The following COPG1 variants were observed in gnomAD, a reference collection of about 807,000 sequenced individuals.
COPG1 encodes coatomer subunit gamma-1.
In COPG1, 29 loss-of-function variants were observed where a neutral mutation model predicts 102.8. The observed-to-expected ratio is 0.28, with a 90% CI of 0.21 to 0.38. The LOEUF is 0.38. Ranked by LOEUF, COPG1 falls within the 10% of genes least tolerant of loss-of-function variation. The pLI, the probability that COPG1 is intolerant of heterozygous loss-of-function variation, is 1.00. For synonymous variants in COPG1, 406 were observed against 421.6 expected (o/e 0.96, Z 0.45); for missense variants, 875 against 1,132.7 (o/e 0.77, Z 3.27).
rs1302084201 is a variant in COPG1, at chr3:129,272,810, C to T, written c.2162C>T (p.Ala721Val). The T allele has an allele frequency of 3.1e-6, 5 of 1,610,168 alleles. No homozygotes were observed. Among genetic ancestry groups the T allele is most frequent in the Non-Finnish European group, 4.2e-6 (5 of 1,176,780 alleles). The change falls in exon 21 of 24, where the codon GCC becomes GTC. Residue 721 changes from alanine to valine, a missense_variant. By Grantham distance (64) the Ala-to-Val change is moderately conservative. Transcript: ENST00000314797. ...ACCCAGCCTCTCTTCCCCACAGTGG[C>T]CTGCACATTCAGCTGCATGATGAAG... ...ALPKEDPTAVACTFSCMMKFT... is the reference protein window; with the variant it reads ...ALPKEDPTAVVCTFSCMMKFT...
At chr3:129,267,292 T>C (rs1035045300) in intron 15 of COPG1, 193 bp downstream of exon 15, 3 of 461,148 alleles carry the variant, frequency 6.5e-6, no homozygotes, top group Admixed American at 3.9e-5. Context: ...GATGTGACAA[T>C]TGGTAACTTG....
In COPG1 at chr3:129,271,804, G is replaced by C. The variant is rs1940185980; in HGVS notation, c.1881G>C (p.Gly627=). 3 of 1,614,084 alleles carry C rather than the reference G, an allele frequency of 1.9e-6. No individual in the cohort carries two copies. The highest frequency in any genetic ancestry group is 2.5e-6 in the Non-Finnish European group (3 of 1,180,038). ...LAAVPEFRGL[G]PLFKSSPEPV... ...CAGTGCCAGAGTTCCGCGGTCTTGG[G>C]CCCCTCTTCAAGTCCTCGCCTGAGC... The change falls in exon 19 of 24, where the codon GGG becomes GGC. Residue 627 remains glycine (G), a synonymous_variant. Coordinates refer to ENST00000314797, the MANE Select transcript of COPG1 (RefSeq NM_016128.4). The surrounding 1 kb of genome is among the most constrained non-coding windows in gnomAD (Gnocchi z 4.7).
intron 23 of COPG1, among the ~76,000 whole-genome samples, chr3:129,276,709 T>C (rs1940275216): frequency 1.3e-5 from 2 of 152,136 alleles, no homozygotes; most frequent in African/African-American, 2.4e-5. Flanking sequence ...ACATGAGATA[T>C]AAGCCTTTTA....
chr3:129,260,507 T>C (rs1004027295), intron 11 of COPG1, 107 bp downstream of exon 11: 6 of 1,507,362 alleles, frequency 4.0e-6, no homozygotes, highest in Non-Finnish European at 5.5e-6. Context: ...ACAGTTAGTT[T>C]CTTCTAGATG....
intron 18 of COPG1, among the ~76,000 whole-genome samples, chr3:129,270,994 C>T (rs1450623756): frequency 6.6e-6 from 1 of 152,190 alleles, no homozygotes; most frequent in Non-Finnish European, 1.5e-5. Context: ...TGCCGCCAAC[C>T]CCTAGTAATT....
At chr3:129,269,974 C>G (rs1176162378) in intron 18 of COPG1, among the ~76,000 whole-genome samples, 1 of 149,244 alleles carries the variant, frequency 6.7e-6, no homozygotes, top group Non-Finnish European at 1.5e-5. Context: ...GGCTCGTGGC[C>G]CCTTCCACCG....
intron 6 of COPG1, 101 bp downstream of exon 6, chr3:129,254,844 A>G: frequency 8.0e-7 from 1 of 1,245,588 alleles, no homozygotes; most frequent in Non-Finnish European, 1.2e-6. Context: ...GAGCCAGGTG[A>G]TGTGGGGTGG....
In COPG1 at chr3:129,268,918, A is replaced by G; in HGVS notation, c.1775-14A>G. The G allele has an allele frequency of 6.2e-7, 1 of 1,613,476 alleles. No individual in the cohort carries two copies. Among genetic ancestry groups the G allele is most frequent in the Non-Finnish European group, 8.5e-7 (1 of 1,179,454 alleles). On this transcript the variant is annotated splice_polypyrimidine_tract_variant and intron_variant, in intron 17 of 23. Transcript: ENST00000314797. Reference sequence around the variant, plus strand: ...CCAGCTGTTGGTCATCACGTGTATAATTTGCTCCTGCAGAAAGTACCCCCA... The same window carrying G: ...CCAGCTGTTGGTCATCACGTGTATAGTTTGCTCCTGCAGAAAGTACCCCCA...
At chr3:129,260,482 A>AT (rs1462750360) in intron 11 of COPG1, 82 bp downstream of exon 11, 4 of 1,526,644 alleles carry the variant, frequency 2.6e-6, no homozygotes, top group Non-Finnish European at 3.6e-6. Context: ...GCTGGGAAGG[A>AT]TAATAGCCCT....
intron 5 of COPG1, among the ~76,000 whole-genome samples, chr3:129,253,891 TG>T (rs1560062133): frequency 6.7e-6 from 1 of 150,240 alleles, no homozygotes; most frequent in Non-Finnish European, 1.5e-5. Context: ...TCCCAGCTAC[TG>T]GGGAGGCTGA....
At chr3:129,257,349 G>A in intron 8 of COPG1, 121 bp from the exon 9 acceptor site, 1 of 1,006,708 alleles carries the variant, frequency 9.9e-7, no homozygotes, top group South Asian at 1.4e-5. Flanking sequence ...GCCACTCTGT[G>A]TGGTAGCTGC....
chr3:129,268,815 C>T, intron 17 of COPG1, 117 bp from the exon 18 acceptor site: 1 of 1,147,690 alleles, frequency 8.7e-7, no homozygotes, highest in Non-Finnish European at 1.3e-6. Flanking sequence ...ATGTCTTCTG[C>T]TTCCCACTCT....
In COPG1 at chr3:129,263,950, G is replaced by T. The variant is rs758694336; in HGVS notation, c.1175G>T (p.Arg392Leu). ...AISALCQKYP[R>L]KHAVLMNFLF... is the part of the protein sequence containing the mutation. Reference sequence around the variant, plus strand: ...AGTGCCCTGTGTCAGAAATATCCTCGCAAACACGCCGTCCTTATGAACTTC... The same window carrying T: ...AGTGCCCTGTGTCAGAAATATCCTCTCAAACACGCCGTCCTTATGAACTTC... Residue 392 changes from arginine to leucine, a missense_variant, in exon 13 of 24, where the codon CGC (arginine) becomes CTC (leucine). By Grantham distance (102) the Arg-to-Leu change is moderately radical (BLOSUM62 -2). Coordinates refer to ENST00000314797, the MANE Select transcript of COPG1 (RefSeq NM_016128.4). The T allele has an allele frequency of 4.3e-6, 7 of 1,613,990 alleles. No individual in the cohort carries two copies. In the South Asian group the frequency reaches 7.7e-5, roughly 18 times the overall value.
Position 129,250,663 on chromosome 3 carries a change from C to G in COPG1, c.38-19C>G. ...AGTTCAGAGTCACAACCTACCTTCT[C>G]CATTGTCCTTGACCGTAGGTGGAGG... is the stretch of plus-strand genomic sequence containing the variant. On this transcript the variant is annotated intron_variant, in intron 1 of 23. Coordinates refer to ENST00000314797, the MANE Select transcript of COPG1 (RefSeq NM_016128.4). 3 of 1,611,440 alleles carry G rather than the reference C, an allele frequency of 1.9e-6. No homozygotes were observed. Among genetic ancestry groups the G allele is most frequent in the Non-Finnish European group, 2.5e-6 (3 of 1,177,676 alleles).
Position 129,257,452 on chromosome 3 carries a change from C to T in COPG1, c.580-18C>T. 6.2e-7 allele frequency: 1 copy of T among 1,613,728 alleles called. No individual in the cohort carries two copies. On this transcript the variant is annotated intron_variant, in intron 8 of 23. Transcript: ENST00000314797. Reference sequence around the variant, plus strand: ...AAAGTCATACATTTGTACTCTGTTGCTGTCTCCTGTCCTATAGTACCACGC... The same window carrying T: ...AAAGTCATACATTTGTACTCTGTTGTTGTCTCCTGTCCTATAGTACCACGC...
At chr3:129,256,849 A>G (rs928547947) in intron 8 of COPG1, among the ~76,000 whole-genome samples, 2 of 152,250 alleles carry the variant, frequency 1.3e-5, no homozygotes, top group Non-Finnish European at 2.9e-5. Context: ...CACAGCTGCC[A>G]TATCTTTGCC....
At chr3:129,265,158 C>T (rs1171464107) in intron 13 of COPG1, among the ~76,000 whole-genome samples, 1 of 151,790 alleles carries the variant, frequency 6.6e-6, no homozygotes, top group Non-Finnish European at 1.5e-5. Context: ...GTGGTGTGAT[C>T]ACGGCTCACT....
rs1560066165 is a variant in COPG1 at position 129,265,593 on chromosome 3, C to T, written c.1269C>T (p.Ser423=). The stretch of plus-strand genomic sequence containing the variant: ...GCGCTATCGTGGACTGCATCATCAG[C>T]ATCATTGAAGAGAACTCAGAGAGCA... ...YKRAIVDCII[S]IIEENSESKE... is the part of the protein sequence containing the mutation. The change falls in exon 14 of 24, where the codon AGC becomes AGT. Residue 423 remains serine, a synonymous_variant. Coordinates refer to ENST00000314797, the MANE Select transcript of COPG1 (RefSeq NM_016128.4). The T allele has an allele frequency of 1.2e-6, 2 of 1,614,206 alleles. No individual in the cohort carries two copies. The highest frequency in any genetic ancestry group is 1.7e-6 in the Non-Finnish European group (2 of 1,180,034).
rs374415456 is a variant in COPG1 at position 129,264,008 on chromosome 3, C to T, written c.1224+9C>T. On this transcript the variant is annotated intron_variant, in intron 13 of 23. Coordinates refer to ENST00000314797, the MANE Select transcript of COPG1 (RefSeq NM_016128.4). ...CCATGCTGCGGGAAGAGGTAAGAGT[C>T]AGGGGCATTCGGGGGATGCCAGGTC... The T allele has an allele frequency of 6.6e-5, 106 of 1,612,172 alleles. No individual in the cohort carries two copies. The highest frequency in any genetic ancestry group is 8.7e-5 in the Non-Finnish European group (102 of 1,178,462).
Sources: allele counts gnomAD v4.1 joint callset (sites outside exome capture counted in the v4.1 genomes callset), GRCh38; gene constraint gnomAD v4.1.1; non-coding constraint Gnocchi (gnomAD v3.1); transcripts MANE v1.5; gene names NCBI Gene and HGNC (gene_info 2026-07-23, HGNC 2026-07-21).